Variants in COL8A1 observed in about 807,000 individuals in gnomAD.
COL8A1 encodes collagen alpha-1(VIII) chain.
COL8A1 carries 21 observed loss-of-function variants against 42.7 expected under a neutral mutation model. That is an observed-to-expected ratio of 0.49 (90% CI 0.35 to 0.71). The LOEUF is 0.71. Among genes scored for constraint, COL8A1 ranks in the 30% least tolerant of loss-of-function variants. The probability of loss-of-function intolerance (pLI) is 0.01; values close to 1 mark genes in which losing one functional copy is unlikely to be tolerated. For missense variants in COL8A1, 788 were observed against 962.4 expected (o/e 0.82, Z 2.40); for synonymous variants, 367 against 369.1 (o/e 0.99, Z 0.06).
chr3:99,744,187 C>A (rs1940968664), intron 1 of COL8A1, among the ~76,000 whole-genome samples: 1 of 152,190 alleles, frequency 6.6e-6, no homozygotes, highest in African/African-American at 2.4e-5. Context: ...GCCTCGGCCT[C>A]CCAAAGTGCT....
intron 2 of COL8A1, among the ~76,000 whole-genome samples, chr3:99,767,650 C>T (rs956768736): frequency 3.3e-5 from 5 of 152,082 alleles, no homozygotes; most frequent in African/African-American, 7.2e-5. Flanking sequence ...AATGTTTTGC[C>T]GCAACCCAAC....
At chr3:99,642,022 C>T (rs1025180491) in intron 1 of COL8A1, among the ~76,000 whole-genome samples, 6 of 152,108 alleles carry the variant, frequency 3.9e-5, no homozygotes, top group African/African-American at 1.4e-4. Context: ...ATTTAAAGAA[C>T]CTGTTCAAAA....
intron 1 of COL8A1, among the ~76,000 whole-genome samples, chr3:99,638,908 T>C (rs1177586472): frequency 1.3e-5 from 2 of 152,208 alleles, no homozygotes; most frequent in Non-Finnish European, 2.9e-5. Context: ...AATCACTTTT[T>C]CTCCTGTTGC....
At chr3:99,720,188 T>TG (rs1314563633) in intron 1 of COL8A1, among the ~76,000 whole-genome samples, 1 of 152,158 alleles carries the variant, frequency 6.6e-6, no homozygotes, top group Admixed American at 6.6e-5. Flanking sequence ...ATTTCTCACT[T>TG]GGCTACCTTC....
intron 2 of COL8A1, among the ~76,000 whole-genome samples, chr3:99,754,307 G>C (rs892957066): frequency 1.3e-5 from 2 of 152,124 alleles, no homozygotes; most frequent in Non-Finnish European, 2.9e-5. Flanking sequence ...ACATAGCTAT[G>C]TAATTCCCAA....
At chr3:99,758,546 T>G (rs1377209111) in intron 2 of COL8A1, among the ~76,000 whole-genome samples, 4 of 152,202 alleles carry the variant, frequency 2.6e-5, no homozygotes, top group Admixed American at 6.5e-5. Flanking sequence ...CACAGTTTAA[T>G]CACAAGCTGT....
At chr3:99,757,184 A>G (rs1235094062) in intron 2 of COL8A1, among the ~76,000 whole-genome samples, 1 of 152,218 alleles carries the variant, frequency 6.6e-6, no homozygotes, top group Non-Finnish European at 1.5e-5. Context: ...GCTGAATTTA[A>G]AGGGGAAAAA....
At chr3:99,668,467 A>C (rs1049289433) in intron 1 of COL8A1, among the ~76,000 whole-genome samples, 27 of 152,294 alleles carry the variant, frequency 1.8e-4, no homozygotes, top group Admixed American at 2.0e-4. Context: ...TCAGACTTAA[A>C]AATATACCAG....
chr3:99,643,187 C>T (rs1937541948), intron 1 of COL8A1, among the ~76,000 whole-genome samples: 2 of 152,270 alleles, frequency 1.3e-5, no homozygotes, highest in Middle Eastern at 6.8e-3. Context: ...TGTGGCTCCT[C>T]GTATAATGTG....
chr3:99,655,062 C>T (rs1937974665), intron 1 of COL8A1, among the ~76,000 whole-genome samples: 1 of 152,056 alleles, frequency 6.6e-6, no homozygotes. Context: ...AGTTGAAAGG[C>T]ACAGAAACCA....
intron 2 of COL8A1, among the ~76,000 whole-genome samples, chr3:99,789,882 G>A (rs1045538937): frequency 6.6e-6 from 1 of 152,032 alleles, no homozygotes; most frequent in East Asian, 1.9e-4. Context: ...AGAAATAAAG[G>A]TGCATAATTA....
intron 2 of COL8A1, among the ~76,000 whole-genome samples, chr3:99,776,000 C>G (rs554805436): frequency 1.3e-5 from 2 of 152,300 alleles, no homozygotes; most frequent in Admixed American, 1.3e-4. Flanking sequence ...ATAGAAATTT[C>G]AGGCACACAG....
chr3:99,664,262 T>C (rs1398753585), intron 1 of COL8A1, among the ~76,000 whole-genome samples: 1 of 152,154 alleles, frequency 6.6e-6, no homozygotes. Context: ...CCTGGAGCAA[T>C]GCCAGGCACA....
At chr3:99,726,793 C>CA (rs1460690068) in intron 1 of COL8A1, among the ~76,000 whole-genome samples, 1 of 151,974 alleles carries the variant, frequency 6.6e-6, no homozygotes, top group Non-Finnish European at 1.5e-5. Context: ...GTACCAGTAC[C>CA]ATGTTGTTTT....
intron 1 of COL8A1, among the ~76,000 whole-genome samples, chr3:99,736,333 G>C (rs1187508646): frequency 2.6e-5 from 4 of 152,116 alleles, no homozygotes; most frequent in Non-Finnish European, 4.4e-5. Flanking sequence ...ATGCGTCCCA[G>C]AGATTCTGGT....
rs1279174133 is a variant in COL8A1, at chr3:99,794,500, G to C, written c.599G>C (p.Gly200Ala). 1 of 1,613,976 alleles carries C rather than the reference G, an allele frequency of 6.2e-7. No homozygotes were observed. Among genetic ancestry groups the C allele is most frequent in the African/African-American group, 1.3e-5 (1 of 74,914 alleles). ...MGIPGPQGPP[G>A]PHGLPGIGKP... ...ATCCCAGGACCACAAGGACCTCCAG[G>C]GCCTCATGGACTTCCTGGCATTGGG... The change falls in exon 4 of 4, where the codon GGG (glycine) becomes GCG (alanine). Residue 200 changes from glycine to alanine, a missense_variant. Physicochemically the swap from Gly to Ala is moderately conservative, Grantham distance 60. Around this residue, in one of 4 missense-constraint regions of COL8A1, gnomAD observed 421 missense variants for 553.1 expected, o/e 0.76. Transcript: ENST00000652472. The surrounding 1 kb of genome is among the most constrained non-coding windows in gnomAD (Gnocchi z 4.3).
chr3:99,789,690 T>A (rs1941963224), intron 2 of COL8A1, among the ~76,000 whole-genome samples: 1 of 152,220 alleles, frequency 6.6e-6, no homozygotes, highest in Non-Finnish European at 1.5e-5. Context: ...TGTTTACTGC[T>A]AATTTGTAAA....
At chr3:99,792,009 G>A (rs1576478769) in intron 3 of COL8A1, among the ~76,000 whole-genome samples, 1 of 152,182 alleles carries the variant, frequency 6.6e-6, no homozygotes, top group African/African-American at 2.4e-5. Context: ...TAAGAACAGA[G>A]TGTGTTCCAG....
chr3:99,721,194 G>A (rs1410757573), intron 1 of COL8A1, among the ~76,000 whole-genome samples: 1 of 151,948 alleles, frequency 6.6e-6, no homozygotes, highest in Admixed American at 6.6e-5. Flanking sequence ...ACTCCCAGTC[G>A]TCAAAAAGTG....
Sources: allele counts gnomAD v4.1 joint callset (sites outside exome capture counted in the v4.1 genomes callset), GRCh38; gene constraint gnomAD v4.1.1; regional missense constraint gnomAD v4.1.1; non-coding constraint Gnocchi (gnomAD v3.1); transcripts MANE v1.5; gene names NCBI Gene and HGNC (gene_info 2026-07-23, HGNC 2026-07-21).